The following LRRC4C variants were observed in gnomAD, a reference collection of about 807,000 sequenced individuals.
LRRC4C encodes the protein leucine-rich repeat-containing protein 4C.
Under a neutral mutation model 33.6 loss-of-function variants are expected in LRRC4C, and 5 were observed. The ratio of observed to expected loss-of-function variants is 0.15; its 90% CI spans 0.08 to 0.31. The LOEUF (loss-of-function observed/expected upper bound fraction) is 0.31, where lower values mean the gene tolerates loss of function less well. LRRC4C is among the 10% of genes least tolerant of loss of function. The pLI, the probability that LRRC4C is intolerant of heterozygous loss-of-function variation, is 1.00. For synonymous variants in LRRC4C, 329 were observed against 302.0 expected (o/e 1.09, Z -0.93); for missense variants, 560 against 796.7 (o/e 0.70, Z 3.58).
At chr11:41,404,535 GACACACAC>G (rs138726744) in intron 1 of LRRC4C, among the ~76,000 whole-genome samples, 1 of 37,296 alleles carries the variant, frequency 2.7e-5, no homozygotes, top group African/African-American at 9.8e-5. Context: ...AAGACACACA[GACACACAC>G]ACACACACAC....
chr11:40,954,655 T>A (rs1167291197), intron 1 of LRRC4C, among the ~76,000 whole-genome samples: 1 of 151,858 alleles, frequency 6.6e-6, no homozygotes, highest in Non-Finnish European at 1.5e-5. Context: ...CCCAAATTAT[T>A]CCATTATGTA....
chr11:41,049,470 A>T (rs2138099224), intron 1 of LRRC4C, among the ~76,000 whole-genome samples: 1 of 152,342 alleles, frequency 6.6e-6, no homozygotes, highest in Middle Eastern at 3.4e-3. Context: ...AGAAACCCAG[A>T]GTAAATTGAG....
chr11:40,376,674 C>T (rs1948671625), intron 3 of LRRC4C, among the ~76,000 whole-genome samples: 1 of 151,562 alleles, frequency 6.6e-6, no homozygotes, highest in Admixed American at 6.6e-5. Flanking sequence ...TCCTTAGCAC[C>T]CAGAGACAAA....
chr11:40,146,637 G>T (rs957907990), intron 5 of LRRC4C, among the ~76,000 whole-genome samples: 7 of 152,132 alleles, frequency 4.6e-5, no homozygotes, highest in African/African-American at 1.2e-4. Flanking sequence ...TGACGGAATG[G>T]CTTCTAAGAC....
chr11:41,159,404 G>A (rs1479667565), intron 1 of LRRC4C, among the ~76,000 whole-genome samples: 2 of 152,060 alleles, frequency 1.3e-5, no homozygotes, highest in Admixed American at 1.3e-4. Context: ...GAAGGAGGAA[G>A]CAACATTATT....
At chr11:40,786,153 T>C (rs1393834512) in intron 2 of LRRC4C, among the ~76,000 whole-genome samples, 2 of 152,214 alleles carry the variant, frequency 1.3e-5, no homozygotes, top group Non-Finnish European at 2.9e-5. Flanking sequence ...TCTCTTTCTC[T>C]TCAATAAGTT....
chr11:40,746,846 G>C (rs1948452759), intron 2 of LRRC4C, among the ~76,000 whole-genome samples: 1 of 152,112 alleles, frequency 6.6e-6, no homozygotes, highest in Non-Finnish European at 1.5e-5. Context: ...CTGTGGGCCT[G>C]GACACTGGCC....
intron 1 of LRRC4C, among the ~76,000 whole-genome samples, chr11:41,156,769 G>A (rs1944250984): frequency 6.6e-6 from 1 of 152,084 alleles, no homozygotes; most frequent in South Asian, 2.1e-4. Context: ...GCCTTACTGG[G>A]GAGGTGAGAT....
intron 2 of LRRC4C, among the ~76,000 whole-genome samples, chr11:40,654,949 A>G (rs1157739272): frequency 6.6e-6 from 1 of 151,988 alleles, no homozygotes; most frequent in Non-Finnish European, 1.5e-5. Flanking sequence ...TGGCATTTCC[A>G]CTGTTGTCAC....
At chr11:40,838,448 G>T (rs532162899) in intron 2 of LRRC4C, among the ~76,000 whole-genome samples, 1 of 152,158 alleles carries the variant, frequency 6.6e-6, no homozygotes, top group South Asian at 2.1e-4. Context: ...ATTCATCCAA[G>T]CGGTTACCAC....
At chr11:40,177,174 T>C (rs1452699855) in intron 5 of LRRC4C, among the ~76,000 whole-genome samples, 1 of 152,000 alleles carries the variant, frequency 6.6e-6, no homozygotes, top group Non-Finnish European at 1.5e-5. Context: ...AGGATGGTCT[T>C]GATCTCCTGA....
rs956396918 is a variant in LRRC4C, at chr11:40,710,113, CT to C, written c.-406-61836del. Reference sequence around the variant, plus strand: ...TCTAATCTTTTTTCAAGGTTTTTAGCTTCTTTGCGATGGGTTTGAACATCCT... The same window carrying C: ...TCTAATCTTTTTTCAAGGTTTTTAGCTCTTTGCGATGGGTTTGAACATCCT... On this transcript the variant is annotated intron_variant, in intron 2 of 6. Coordinates refer to ENST00000528697, the MANE Select transcript of LRRC4C (RefSeq NM_001258419.2). Among the ~76,000 whole-genome samples the C allele has an allele frequency of 4.6e-5, 7 of 152,104 alleles. 1 individual carries two copies. The highest frequency in any genetic ancestry group is 2.9e-5 in the Non-Finnish European group (2 of 68,030).
At chr11:40,272,069 G>C (rs973859493) in intron 4 of LRRC4C, among the ~76,000 whole-genome samples, 1 of 152,120 alleles carries the variant, frequency 6.6e-6, no homozygotes. Flanking sequence ...TCTCCAAATT[G>C]AACAGAAATG....
chr11:40,779,950 G>A (rs1006184606), intron 2 of LRRC4C, among the ~76,000 whole-genome samples: 2 of 152,276 alleles, frequency 1.3e-5, no homozygotes, highest in Admixed American at 6.5e-5. Flanking sequence ...CAACATCAAT[G>A]TGATGTAATG....
At chr11:41,140,071 G>A (rs1248195600) in intron 1 of LRRC4C, among the ~76,000 whole-genome samples, 4 of 152,288 alleles carry the variant, frequency 2.6e-5, no homozygotes, top group African/African-American at 9.6e-5. Flanking sequence ...TTTGCACTGT[G>A]ATGCCAGGCA....
intron 3 of LRRC4C, among the ~76,000 whole-genome samples, chr11:40,572,178 T>A (rs1202761571): frequency 6.6e-6 from 1 of 152,132 alleles, no homozygotes; most frequent in Non-Finnish European, 1.5e-5. Context: ...TTTTAAAAAA[T>A]ATTGTAAAAA....
At chr11:41,318,123 A>G (rs1013644442) in intron 1 of LRRC4C, among the ~76,000 whole-genome samples, 2 of 152,210 alleles carry the variant, frequency 1.3e-5, no homozygotes, top group South Asian at 2.1e-4. Context: ...AAGTTATGAA[A>G]CAATATATAC....
chr11:40,753,750 G>T (rs557493049), intron 2 of LRRC4C, among the ~76,000 whole-genome samples: 1 of 151,662 alleles, frequency 6.6e-6, no homozygotes, highest in Non-Finnish European at 1.5e-5. Context: ...TGATTGTTAC[G>T]TGAGTATGTG....
chr11:41,027,888 G>A (rs1856484128), intron 1 of LRRC4C, among the ~76,000 whole-genome samples: 1 of 151,628 alleles, frequency 6.6e-6, no homozygotes, highest in East Asian at 1.9e-4. Flanking sequence ...TCTCATTCAA[G>A]TACCACTGGA....
Sources: allele counts gnomAD v4.1 joint callset (sites outside exome capture counted in the v4.1 genomes callset), GRCh38; gene constraint gnomAD v4.1.1; transcripts MANE v1.5; gene names NCBI Gene and HGNC (gene_info 2026-07-23, HGNC 2026-07-21).